Variants in KSR2 observed in about 807,000 individuals in gnomAD.
KSR2 encodes kinase suppressor of ras 2.
KSR2 carries 25 observed loss-of-function variants against 107.8 expected under a neutral mutation model. The ratio of observed to expected loss-of-function variants is 0.23; its 90% CI spans 0.17 to 0.32. KSR2 has a LOEUF of 0.32. KSR2 is among the 10% of genes least tolerant of loss of function. The probability of loss-of-function intolerance (pLI) is 1.00; values close to 1 mark genes in which losing one functional copy is unlikely to be tolerated. For missense variants in KSR2, 887 were observed against 1,268.9 expected, an observed-to-expected ratio of 0.70 and a Z score of 4.57; for synonymous variants, 480 against 507.0, an observed-to-expected ratio of 0.95 and a Z score of 0.71.
intron 5 of KSR2, among the ~76,000 whole-genome samples, chr12:117,661,238 T>C (rs12578296): frequency 0.058 from 8,850 of 151,398 alleles, 331 homozygotes; most frequent in Admixed American, 0.12. Context: ...CTAAACACAA[T>C]ATGTGACCTC....
chr12:117,950,184 G>A (rs1566096087), intron 1 of KSR2, among the ~76,000 whole-genome samples: 1 of 151,848 alleles, frequency 6.6e-6, no homozygotes, highest in Non-Finnish European at 1.5e-5. Flanking sequence ...ATGTTGCCCG[G>A]GGTGGTCTCG....
chr12:117,813,410 A>C (rs1187249908), intron 3 of KSR2, among the ~76,000 whole-genome samples: 2 of 152,216 alleles, frequency 1.3e-5, no homozygotes, highest in African/African-American at 4.8e-5. Context: ...AATAACCAAA[A>C]TATTTAAGAA....
intron 1 of KSR2, among the ~76,000 whole-genome samples, chr12:117,910,413 A>G (rs1394078428): frequency 6.6e-6 from 1 of 152,180 alleles, no homozygotes; most frequent in African/African-American, 2.4e-5. Flanking sequence ...TCAGGTATGA[A>G]AAGTGCTCAA....
intron 5 of KSR2, among the ~76,000 whole-genome samples, chr12:117,588,483 T>G (rs1880136312): frequency 6.6e-6 from 1 of 152,212 alleles, no homozygotes; most frequent in South Asian, 2.1e-4. Flanking sequence ...TATCCCCAAG[T>G]GTTGAGCTCA....
chr12:117,922,577 G>A (rs2137464506), intron 1 of KSR2, among the ~76,000 whole-genome samples: 1 of 152,288 alleles, frequency 6.6e-6, no homozygotes, highest in East Asian at 1.9e-4. Flanking sequence ...TAGATCTGAT[G>A]ACTCAGTAGA....
At chr12:117,541,103 GGA>G (rs1348784010) in intron 9 of KSR2, among the ~76,000 whole-genome samples, 3 of 151,942 alleles carry the variant, frequency 2.0e-5, no homozygotes, top group African/African-American at 7.3e-5. Flanking sequence ...TGGGAGGCAG[GGA>G]GGCAGGCAGG....
At chr12:117,786,570 C>A (rs1394507168) in intron 3 of KSR2, among the ~76,000 whole-genome samples, 2 of 152,216 alleles carry the variant, frequency 1.3e-5, no homozygotes, top group East Asian at 3.9e-4. Context: ...AATCCCAGCA[C>A]TTTGGGAGGC....
intron 2 of KSR2, among the ~76,000 whole-genome samples, chr12:117,858,258 C>G (rs1450708407): frequency 1.3e-5 from 2 of 152,194 alleles, no homozygotes; most frequent in African/African-American, 4.8e-5. Context: ...TTTGCCCCCA[C>G]AAGTGGCACT....
chr12:117,827,673 A>AAT (rs1891809809), intron 3 of KSR2, among the ~76,000 whole-genome samples: 1 of 152,248 alleles, frequency 6.6e-6, no homozygotes, highest in South Asian at 2.1e-4. Flanking sequence ...TAGCACTTAC[A>AAT]ATGTATAACA....
At chr12:117,824,668 A>G (rs1891677149) in intron 3 of KSR2, among the ~76,000 whole-genome samples, 1 of 151,816 alleles carries the variant, frequency 6.6e-6, no homozygotes, top group Admixed American at 6.6e-5. Context: ...CATCCTGGCT[A>G]ACACAGTGAA....
chr12:117,771,581 G>C (rs1889451496), intron 3 of KSR2, among the ~76,000 whole-genome samples: 1 of 152,112 alleles, frequency 6.6e-6, no homozygotes, highest in Non-Finnish European at 1.5e-5. Flanking sequence ...TGTGCTTACT[G>C]TGCTTGGGAT....
At chr12:117,612,381 C>T (rs935422455) in intron 5 of KSR2, among the ~76,000 whole-genome samples, 8 of 148,990 alleles carry the variant, frequency 5.4e-5, no homozygotes, top group Non-Finnish European at 1.2e-4. Context: ...TCCAGCCTGG[C>T]GACAGAGCAA....
At chr12:117,753,605 T>C (rs992047851) in intron 4 of KSR2, among the ~76,000 whole-genome samples, 4 of 152,102 alleles carry the variant, frequency 2.6e-5, no homozygotes, top group African/African-American at 9.7e-5. Context: ...AAGTGGGACC[T>C]AAATGATGAG....
chr12:117,838,250 C>T (rs1892322936), intron 3 of KSR2, among the ~76,000 whole-genome samples: 1 of 152,270 alleles, frequency 6.6e-6, no homozygotes, highest in Non-Finnish European at 1.5e-5. Flanking sequence ...TCACTGTAAC[C>T]TCTGCCTCCC....
chr12:117,856,060 G>T (rs935580442), intron 2 of KSR2, among the ~76,000 whole-genome samples: 5 of 152,120 alleles, frequency 3.3e-5, no homozygotes, highest in African/African-American at 1.2e-4. Context: ...TTCTCTGGCT[G>T]CAGGGTCTAG....
At chr12:117,734,489 C>T (rs1187443145) in intron 4 of KSR2, among the ~76,000 whole-genome samples, 2 of 152,098 alleles carry the variant, frequency 1.3e-5, no homozygotes, top group African/African-American at 4.8e-5. Flanking sequence ...ACAGCTGGGG[C>T]CCGGGGTCCT....
At chr12:117,791,244 A>G (rs1698470202) in intron 3 of KSR2, among the ~76,000 whole-genome samples, 1 of 152,176 alleles carries the variant, frequency 6.6e-6, no homozygotes. Context: ...CAGATCCTTC[A>G]GGAGCTTGCT....
rs565175793 is a variant in KSR2, at chr12:117,823,092, A to C, written c.472+32336T>G. 2.9e-4 allele frequency among the ~76,000 whole-genome samples: 44 copies of C among 151,694 alleles called. No homozygotes were observed. In the South Asian group the frequency reaches 4.8e-3, roughly 17 times the overall value. Reference sequence around the variant, plus strand: ...GGCTACAATATATGCAAAGGTCCTGAAGTGAGAATGGCATTCAAGGAACTC... The same window carrying C: ...GGCTACAATATATGCAAAGGTCCTGCAGTGAGAATGGCATTCAAGGAACTC... On this transcript the variant is annotated intron_variant, in intron 3 of 19. Transcript: ENST00000339824.
chr12:117,961,567 T>C (rs1364455925), intron 1 of KSR2, among the ~76,000 whole-genome samples: 1 of 148,624 alleles, frequency 6.7e-6, no homozygotes, highest in Non-Finnish European at 1.5e-5. Flanking sequence ...TCCCTCTTGC[T>C]CTCTAGGAAC....
Sources: gnomAD v4.1 joint callset for allele counts (sites outside exome capture counted in the v4.1 genomes callset) on GRCh38, gnomAD v4.1.1 for gene constraint, MANE v1.5 for transcripts, NCBI Gene and HGNC (gene_info 2026-07-23, HGNC 2026-07-21) for gene names.